The following CHST11 variants were observed in gnomAD, a reference collection of about 807,000 sequenced individuals.
CHST11 encodes carbohydrate sulfotransferase 11.
CHST11 carries 9 observed loss-of-function variants against 30.4 expected under a neutral mutation model. That is an observed-to-expected ratio of 0.30 (90% CI 0.18 to 0.52). CHST11 has a LOEUF of 0.52. Among genes scored for constraint, CHST11 ranks in the 20% least tolerant of loss-of-function variants. CHST11 has a pLI of 0.97. For synonymous variants in CHST11, 152 were observed against 187.8 expected, an observed-to-expected ratio of 0.81 and a Z score of 1.56; for missense variants, 348 against 460.6, an observed-to-expected ratio of 0.76 and a Z score of 2.24.
rs1301594504 is a variant in CHST11 at position 104,729,496 on chromosome 12, A to G, written c.205-27453A>G. Among the ~76,000 whole-genome samples, 1 of 152,118 alleles carries G rather than the reference A, an allele frequency of 6.6e-6. No homozygotes were observed. The highest frequency in any genetic ancestry group is 1.5e-5 in the Non-Finnish European group (1 of 68,016). On this transcript the variant is annotated intron_variant, in intron 2 of 2. Transcript: ENST00000303694. This position sits in a 1 kb window ranked among gnomAD's most constrained non-coding sequence, Gnocchi z 4.0. ...GTGCCCAGATTGGGTTTCTGGGAGC[A>G]GGGCCCAGGAATCTGCATTTTAACA...
chr12:104,622,055 C>T (rs970870067), intron 2 of CHST11, among the ~76,000 whole-genome samples: 2 of 152,216 alleles, frequency 1.3e-5, no homozygotes, highest in African/African-American at 4.8e-5. Flanking sequence ...AAGCCGGCAA[C>T]CCCGGTGACC....
At chr12:104,534,244 G>A (rs1280413816) in intron 1 of CHST11, among the ~76,000 whole-genome samples, 2 of 152,152 alleles carry the variant, frequency 1.3e-5, no homozygotes, top group Non-Finnish European at 2.9e-5. Flanking sequence ...GACTAAGGAA[G>A]GAGAGTGACA....
chr12:104,521,705 C>G (rs2038075406), intron 1 of CHST11, among the ~76,000 whole-genome samples: 1 of 152,206 alleles, frequency 6.6e-6, no homozygotes, highest in Admixed American at 6.5e-5. Flanking sequence ...AAGTACTTCA[C>G]TCTGTCCTCT....
chr12:104,659,486 A>G (rs746185239), intron 2 of CHST11, among the ~76,000 whole-genome samples: 1 of 152,134 alleles, frequency 6.6e-6, no homozygotes, highest in Non-Finnish European at 1.5e-5. Context: ...CTGAGCTCCA[A>G]ATGGCTGCTG....
intron 1 of CHST11, among the ~76,000 whole-genome samples, chr12:104,497,941 G>A (rs1344688572): frequency 1.8e-5 from 2 of 109,856 alleles, no homozygotes; most frequent in Admixed American, 1.3e-4. Context: ...TTTTGAGACA[G>A]AGTCTCACTC....
chr12:104,723,130 C>G (rs1410302100), intron 2 of CHST11, among the ~76,000 whole-genome samples: 1 of 152,068 alleles, frequency 6.6e-6, no homozygotes, highest in Non-Finnish European at 1.5e-5. Context: ...AGTATCACCT[C>G]CCCTGGGAGT....
chr12:104,682,619 G>T (rs1387727075), intron 2 of CHST11, among the ~76,000 whole-genome samples: 28 of 152,170 alleles, frequency 1.8e-4, no homozygotes, highest in Admixed American at 1.8e-3. Context: ...CATCTCTCTG[G>T]TGTTTATGGT....
chr12:104,570,636 C>T (rs939546784), intron 1 of CHST11, among the ~76,000 whole-genome samples: 4 of 151,916 alleles, frequency 2.6e-5, no homozygotes, highest in African/African-American at 9.7e-5. Flanking sequence ...GAAGGAATAG[C>T]AACAGTATTA....
intron 1 of CHST11, among the ~76,000 whole-genome samples, chr12:104,470,262 A>G (rs1342869889): frequency 1.3e-5 from 2 of 152,250 alleles, no homozygotes; most frequent in Non-Finnish European, 2.9e-5. Context: ...TAAAGGAAAG[A>G]GGTTTAATTG....
intron 2 of CHST11, among the ~76,000 whole-genome samples, chr12:104,742,739 C>A (rs2040357155): frequency 6.6e-6 from 1 of 152,226 alleles, no homozygotes. Flanking sequence ...ACCACACAGC[C>A]TCAGACCAAG....
At chr12:104,489,901 A>G (rs1356501857) in intron 1 of CHST11, among the ~76,000 whole-genome samples, 3 of 152,212 alleles carry the variant, frequency 2.0e-5, no homozygotes, top group Admixed American at 1.3e-4. Flanking sequence ...ATCTCTCCAT[A>G]TGCTCTCAAC....
intron 1 of CHST11, among the ~76,000 whole-genome samples, chr12:104,584,670 G>A (rs1291332811): frequency 4.9e-5 from 2 of 41,192 alleles, no homozygotes; most frequent in Non-Finnish European, 8.8e-5. Context: ...AGCGGTTTAA[G>A]TGGTTAATTT....
intron 2 of CHST11, among the ~76,000 whole-genome samples, chr12:104,717,301 A>G (rs2040138621): frequency 6.6e-6 from 1 of 152,232 alleles, no homozygotes; most frequent in Non-Finnish European, 1.5e-5. Context: ...GGGAAAGTGA[A>G]TGAAGGAATT....
At chr12:104,526,461 T>A (rs1300933415) in intron 1 of CHST11, among the ~76,000 whole-genome samples, 2 of 152,228 alleles carry the variant, frequency 1.3e-5, no homozygotes, top group Non-Finnish European at 2.9e-5. Context: ...TCTTGATTGA[T>A]GGCCCTTCTG....
chr12:104,571,579 G>T (rs568182340), intron 1 of CHST11, among the ~76,000 whole-genome samples: 21 of 152,314 alleles, frequency 1.4e-4, no homozygotes, highest in African/African-American at 4.8e-4. Context: ...ATCAGAGAGG[G>T]TCATGGCTTG....
At chr12:104,667,247 A>G (rs2039650785) in intron 2 of CHST11, among the ~76,000 whole-genome samples, 1 of 152,092 alleles carries the variant, frequency 6.6e-6, no homozygotes, top group African/African-American at 2.4e-5. Context: ...TTAGAAGTTG[A>G]CAGCACTTTG....
chr12:104,744,842 ATCATTTATTTATTTAT>A (rs770198416), intron 2 of CHST11, among the ~76,000 whole-genome samples: 3 of 141,760 alleles, frequency 2.1e-5, no homozygotes, highest in Admixed American at 7.3e-5. Flanking sequence ...TTATCCCAGC[ATCATTTATTTATTTAT>A]TTATTTATTT....
chr12:104,545,062 C>T (rs1223654650), intron 1 of CHST11, among the ~76,000 whole-genome samples: 1 of 152,122 alleles, frequency 6.6e-6, no homozygotes, highest in African/African-American at 2.4e-5. Flanking sequence ...GGCAAGAATC[C>T]CCTGGAGCCA....
intron 2 of CHST11, chr12:104,602,267 GA>G: frequency 2.1e-6 from 1 of 485,574 alleles, no homozygotes; most frequent in South Asian, 3.4e-5. Flanking sequence ...TCTCAAGTTC[GA>G]GCAATGGGAC....
Sources: gnomAD v4.1 joint callset for allele counts (sites outside exome capture counted in the v4.1 genomes callset) on GRCh38, gnomAD v4.1.1 for gene constraint, Gnocchi (gnomAD v3.1) non-coding constraint, MANE v1.5 for transcripts, NCBI Gene and HGNC (gene_info 2026-07-23, HGNC 2026-07-21) for gene names.